The following KIAA1671 variants were observed in gnomAD, a reference collection of about 807,000 sequenced individuals.
KIAA1671 encodes the protein KIAA1671, also known as uncharacterized protein KIAA1671.
KIAA1671 carries 52 observed loss-of-function variants against 131.2 expected under a neutral mutation model. That is an observed-to-expected ratio of 0.40 (90% CI 0.32 to 0.50). The LOEUF is 0.50. Among genes scored for constraint, KIAA1671 ranks in the 20% least tolerant of loss-of-function variants. The pLI, the probability that KIAA1671 is intolerant of heterozygous loss-of-function variation, is 0.73. For synonymous variants in KIAA1671, 1,003 were observed against 961.6 expected, an observed-to-expected ratio of 1.04 and a Z score of -0.80; for missense variants, 2,360 against 2,364.2, an observed-to-expected ratio of 1.00 and a Z score of 0.04.
intron 6 of KIAA1671, among the ~76,000 whole-genome samples, chr22:25,086,457 ACTT>A (rs1348299461): frequency 6.6e-6 from 1 of 152,178 alleles, no homozygotes; most frequent in Admixed American, 6.5e-5. Flanking sequence ...GCATAAATGA[ACTT>A]CTTGAGGAGA....
chr22:24,983,110 G>A (rs1207189848), intron 1 of KIAA1671, among the ~76,000 whole-genome samples: 1 of 152,170 alleles, frequency 6.6e-6, no homozygotes, highest in African/African-American at 2.4e-5. Context: ...GGCAGACCTG[G>A]CAGGAGGGAG....
intron 1 of KIAA1671, among the ~76,000 whole-genome samples, chr22:25,020,461 C>T (rs1036283265): frequency 2.4e-4 from 36 of 152,296 alleles, no homozygotes; most frequent in African/African-American, 8.2e-4. Flanking sequence ...TTATTTTCTT[C>T]TCTTCAGGTG....
intron 1 of KIAA1671, among the ~76,000 whole-genome samples, chr22:24,993,853 T>G (rs1923968691): frequency 6.6e-6 from 1 of 152,062 alleles, no homozygotes; most frequent in Non-Finnish European, 1.5e-5. Context: ...CCAAGGCAGT[T>G]GGATCACTTG....
At chr22:25,162,799 C>T (rs1419748297) in intron 6 of KIAA1671, among the ~76,000 whole-genome samples, 1 of 152,198 alleles carries the variant, frequency 6.6e-6, no homozygotes, top group Non-Finnish European at 1.5e-5. Flanking sequence ...CTTGTGCTGC[C>T]TTTGCATTAA....
At chr22:24,982,477 G>A (rs1187790094) in intron 1 of KIAA1671, among the ~76,000 whole-genome samples, 1 of 152,248 alleles carries the variant, frequency 6.6e-6, no homozygotes, top group African/African-American at 2.4e-5. Context: ...TCTCTGGACT[G>A]TGTGCCTCCC....
intron 6 of KIAA1671, among the ~76,000 whole-genome samples, chr22:25,128,282 T>G (rs762706210): frequency 1.3e-5 from 2 of 152,212 alleles, no homozygotes; most frequent in Non-Finnish European, 1.5e-5. Context: ...CCTTAATGTT[T>G]CTTCATGTTC....
At chr22:25,019,104 T>C (rs1481876195) in intron 1 of KIAA1671, among the ~76,000 whole-genome samples, 1 of 145,792 alleles carries the variant, frequency 6.9e-6, no homozygotes, top group Non-Finnish European at 1.5e-5. Context: ...TTTAATTAAG[T>C]AATAGCCACT....
At chr22:25,055,432 C>G (rs1927779738) in intron 6 of KIAA1671, 1 of 149,788 alleles carries the variant, frequency 6.7e-6, no homozygotes. Context: ...ACTGAAAAAA[C>G]AAGTTGTGGG....
chr22:25,161,182 G>A (rs1269506017), intron 6 of KIAA1671, among the ~76,000 whole-genome samples: 2 of 151,510 alleles, frequency 1.3e-5, no homozygotes, highest in Admixed American at 6.6e-5. Context: ...CACTTACTAT[G>A]TGCCAGGTAC....
intron 6 of KIAA1671, among the ~76,000 whole-genome samples, chr22:25,085,041 A>G (rs564078429): frequency 1.3e-5 from 2 of 152,338 alleles, no homozygotes; most frequent in African/African-American, 4.8e-5. Context: ...CTGCTGGGCC[A>G]TGCAGTGACA....
chr22:24,978,720 G>A (rs984611291), intron 1 of KIAA1671, among the ~76,000 whole-genome samples: 14 of 152,304 alleles, frequency 9.2e-5, no homozygotes, highest in African/African-American at 2.9e-4. Context: ...GTCTCACTCT[G>A]TCACCCAGGC....
At chr22:25,061,083 GGAT>G (rs2145835349) in intron 6 of KIAA1671, 1 of 152,136 alleles carries the variant, frequency 6.6e-6, no homozygotes, top group East Asian at 1.9e-4. Context: ...TTATTTTCAT[GGAT>G]GATATTTTCT....
At chr22:25,062,272 T>G (rs1200012457) in intron 6 of KIAA1671, 3 of 152,904 alleles carry the variant, frequency 2.0e-5, no homozygotes, top group African/African-American at 7.2e-5. Context: ...CTCTTTTTTC[T>G]TCTTCCTCCT....
chr22:25,116,717 G>A (rs1019196202), intron 6 of KIAA1671, among the ~76,000 whole-genome samples: 6 of 152,126 alleles, frequency 3.9e-5, no homozygotes, highest in African/African-American at 1.4e-4. Context: ...CACCACACCT[G>A]GCCCCCTCAG....
intron 1 of KIAA1671, chr22:25,023,337 A>T (rs1373305202): frequency 6.6e-6 from 1 of 152,272 alleles, no homozygotes; most frequent in Non-Finnish European, 1.5e-5. Flanking sequence ...ACTGGACTCC[A>T]GCCTGGGCTA....
chr22:24,971,719 AT>A lies in KIAA1671; in HGVS notation c.-208+18954del, dbSNP rs1426561322. Reference sequence around the variant, plus strand: ...ACTGAATTTGCACCCAGAAATTGGTATTTTTTTGGGGGGGTCGTGGATCATG... The same window carrying A: ...ACTGAATTTGCACCCAGAAATTGGTATTTTTTGGGGGGGTCGTGGATCATG... On this transcript the variant is annotated intron_variant, in intron 1 of 12. Transcript: ENST00000358431. 9.2e-5 allele frequency among the ~76,000 whole-genome samples: 14 copies of A among 151,976 alleles called. No homozygotes were observed. The South Asian group carries it at 2.5e-3, about 27-fold the overall frequency.
chr22:25,149,884 T>G (rs1043238655), intron 6 of KIAA1671, among the ~76,000 whole-genome samples: 1 of 152,156 alleles, frequency 6.6e-6, no homozygotes, highest in Non-Finnish European at 1.5e-5. Flanking sequence ...CATTAAAGAC[T>G]CAACACAAAA....
intron 6 of KIAA1671, chr22:25,061,793 CACTG>C (rs35367020): frequency 0.1 from 15,803 of 152,330 alleles, 840 homozygotes; most frequent in African/African-American, 0.12. Flanking sequence ...TAATCATGTT[CACTG>C]ACTGAGTGGG....
At chr22:24,967,314 C>T (rs771085864) in intron 1 of KIAA1671, among the ~76,000 whole-genome samples, 27 of 152,172 alleles carry the variant, frequency 1.8e-4, no homozygotes, top group Middle Eastern at 3.4e-3. Context: ...GTTGAGGAAA[C>T]GGAGGCTCAG....
Sources: gnomAD v4.1 joint callset for allele counts (sites outside exome capture counted in the v4.1 genomes callset) on GRCh38, gnomAD v4.1.1 for gene constraint, MANE v1.5 for transcripts, NCBI Gene and HGNC (gene_info 2026-07-23, HGNC 2026-07-21) for gene names.